The following ERICH3 variants were observed in gnomAD, a reference collection of about 807,000 sequenced individuals.
ERICH3 encodes the protein glutamate-rich protein 3.
Under a neutral mutation model 131.1 loss-of-function variants are expected in ERICH3, and 126 were observed. The observed-to-expected ratio is 0.96, with a 90% CI of 0.83 to 1.11. The LOEUF is 1.11. Among genes scored for constraint, ERICH3 ranks in the 50% most tolerant of loss-of-function variants. The pLI, the probability that ERICH3 is intolerant of heterozygous loss-of-function variation, is 0.00. For missense variants in ERICH3, 2,050 were observed against 1,810.7 expected (o/e 1.13, Z -2.40); for synonymous variants, 695 against 644.6 (o/e 1.08, Z -1.18).
chr1:74,673,680 CG>C lies in ERICH3; in HGVS notation c.-162del. 1 of 575,268 alleles carries C rather than the reference CG, an allele frequency of 1.7e-6. No individual in the cohort carries two copies. The allele number at this position is 575,268 out of a possible 1,614,324, so 35.6% of individuals were successfully genotyped here. ...TGGGCCGCCGCCGCCCCTGGGCGCC[CG>C]GGCTACCCGCAGCCTCCCGGGCTCC... On this transcript the variant is annotated 5_prime_UTR_variant, in exon 1 of 15. Coordinates refer to ENST00000326665, the MANE Select transcript of ERICH3 (RefSeq NM_001002912.5).
At chr1:74,607,023 T>G in intron 9 of ERICH3, 121 bp from the exon 10 acceptor site, 1 of 828,284 alleles carries the variant, frequency 1.2e-6, no homozygotes, top group Non-Finnish European at 1.9e-6. Flanking sequence ...ATGTTTTGAT[T>G]ACAGTACACA....
At chr1:74,596,904 G>T (rs139297428) in intron 11 of ERICH3, among the ~76,000 whole-genome samples, 6 of 151,970 alleles carry the variant, frequency 3.9e-5, no homozygotes, top group Non-Finnish European at 2.9e-5. Context: ...AAGGCAGGCC[G>T]ACACAATTGT....
intron 6 of ERICH3, chr1:74,634,793 A>G (rs997107616): frequency 9.5e-6 from 6 of 631,334 alleles, no homozygotes; most frequent in Non-Finnish European, 1.7e-5. Context: ...TTTTAGCCAA[A>G]GACCTTTGAG....
chr1:74,576,737 A>G (rs1433187605), intron 13 of ERICH3, among the ~76,000 whole-genome samples, 158 bp downstream of exon 13: 1 of 152,178 alleles, frequency 6.6e-6, no homozygotes, highest in Admixed American at 6.5e-5. Context: ...TCCTGCCACC[A>G]TACACATAAA....
chr1:74,665,597 G>T (rs762824184), intron 1 of ERICH3, among the ~76,000 whole-genome samples: 4 of 152,144 alleles, frequency 2.6e-5, no homozygotes, highest in Non-Finnish European at 4.4e-5. Context: ...TGACATCAAG[G>T]TGTCAGCAGG....
In ERICH3 at chr1:74,573,466, A is replaced by G; in HGVS notation, c.2244T>C (p.Asp748=). 1 of 1,526,280 alleles carries G rather than the reference A, an allele frequency of 6.6e-7. No individual in the cohort carries two copies. The highest frequency in any genetic ancestry group is 2.3e-5 in the East Asian group (1 of 43,190). 94.5% of individuals were successfully genotyped at this position (1,526,280 alleles called of 1,614,324 possible). A position where few individuals can be genotyped will look rare whatever the true frequency, so the allele number is the denominator to read the frequency against. ...TGTTTGAGTTGATTGCTGCTGTTTC[A>G]TCCACCATGAAATTCATTGTTGGTG... is the stretch of plus-strand genomic sequence containing the variant. ...LGAPTMNFMV[D]ETAAINSNKE... Residue 748 remains aspartate (D), a synonymous_variant, in exon 14 of 15, where the codon GAT becomes GAC. Transcript: ENST00000326665.
Position 74,670,276 on chromosome 1 carries a change from A to AG in ERICH3, c.23+3220_23+3221insC, listed in dbSNP as rs112749947. ...CCTCTATCAGATGTTGGTCTGATCC[A>AG]ACACAAATTTTTATATATTTAGGCT... On this transcript the variant is annotated intron_variant, in intron 1 of 14. Transcript: ENST00000326665. 1.5e-3 allele frequency among the ~76,000 whole-genome samples: 229 copies of AG among 152,248 alleles called. 1 individual carries two copies. The highest frequency in any genetic ancestry group is 5.3e-3 in the African/African-American group (222 of 41,550).
intron 13 of ERICH3, among the ~76,000 whole-genome samples, chr1:74,573,846 C>T (rs557699884): frequency 6.6e-6 from 1 of 152,314 alleles, no homozygotes; most frequent in South Asian, 2.1e-4. Flanking sequence ...CACTCTTTCT[C>T]TTGGCTTCCT....
At position 74,570,375 on chromosome 1, in the gene ERICH3, T is replaced by C. The variant is rs1646922332; in HGVS notation, c.*83A>G. ...AGGAGAGAGAGAAAATCAAGAATCC[T>C]GGTGAGATGCTTGCGTGAATCTTTC... On this transcript the variant is annotated 3_prime_UTR_variant, in exon 15 of 15. Coordinates refer to ENST00000326665, the MANE Select transcript of ERICH3 (RefSeq NM_001002912.5). The C allele has an allele frequency of 6.6e-6, 1 of 152,298 alleles. No homozygotes were observed. Among genetic ancestry groups the C allele is most frequent in the Non-Finnish European group, 1.5e-5 (1 of 68,024 alleles). 9.4% of individuals were successfully genotyped at this position (152,298 alleles called of 1,614,324 possible). A position where few individuals can be genotyped will look rare whatever the true frequency, so the allele number is the denominator to read the frequency against.
intron 1 of ERICH3, among the ~76,000 whole-genome samples, chr1:74,653,341 A>C (rs1329507431): frequency 6.6e-6 from 1 of 151,852 alleles, no homozygotes; most frequent in Non-Finnish European, 1.5e-5. Flanking sequence ...TAGTGGGGAG[A>C]TGCACACACT....
intron 1 of ERICH3, among the ~76,000 whole-genome samples, chr1:74,667,687 A>G (rs918829322): frequency 2.5e-4 from 38 of 152,194 alleles, no homozygotes; most frequent in Non-Finnish European, 1.0e-4. Flanking sequence ...GGATTTATTA[A>G]TAATCAAAAT....
At chr1:74,671,182 A>G (rs1646739549) in intron 1 of ERICH3, among the ~76,000 whole-genome samples, 1 of 146,468 alleles carries the variant, frequency 6.8e-6, no homozygotes, top group South Asian at 2.3e-4. Flanking sequence ...TCTTTGTTGG[A>G]CCCTTATCAT....
At position 74,572,500 on chromosome 1, in the gene ERICH3, C is replaced by G. The variant is rs2100507710; in HGVS notation, c.3210G>C (p.Leu1070=). Residue 1070 remains leucine (L), a synonymous_variant, in exon 14 of 15, where the codon CTG becomes CTC. Coordinates refer to ENST00000326665, the MANE Select transcript of ERICH3 (RefSeq NM_001002912.5). The stretch of plus-strand genomic sequence containing the variant: ...CTTCTCTCTCAGAGTCAGTTTTCCT[C>G]AGAGATGTTTTTGGCCTCTCAGCTT... ...RRKAERPKTS[L]RKTDSEREEV... is the part of the protein sequence containing the mutation. The G allele has an allele frequency of 1.2e-6, 2 of 1,614,154 alleles. No homozygotes were observed. The highest frequency in any genetic ancestry group is 4.5e-5 in the East Asian group (2 of 44,874).
At chr1:74,654,482 A>G (rs938811974) in intron 1 of ERICH3, among the ~76,000 whole-genome samples, 9 of 151,938 alleles carry the variant, frequency 5.9e-5, no homozygotes, top group African/African-American at 1.7e-4. Context: ...AACAAACACT[A>G]TTTTTGGAGG....
At chr1:74,602,335 C>T (rs1476627889) in intron 10 of ERICH3, among the ~76,000 whole-genome samples, 1 of 151,976 alleles carries the variant, frequency 6.6e-6, no homozygotes, top group African/African-American at 2.4e-5. Flanking sequence ...GCTCAAAGCA[C>T]ACCACCTTTG....
At chr1:74,651,073 G>A (rs776571945) in intron 1 of ERICH3, among the ~76,000 whole-genome samples, 1 of 152,032 alleles carries the variant, frequency 6.6e-6, no homozygotes, top group Admixed American at 6.6e-5. Flanking sequence ...TACATTTTAT[G>A]AACCACTAAT....
At chr1:74,606,980 T>C in intron 9 of ERICH3, 78 bp from the exon 10 acceptor site, 2 of 1,296,744 alleles carry the variant, frequency 1.5e-6, no homozygotes, top group Middle Eastern at 1.9e-4. Context: ...TTGAAAGCAC[T>C]TATCTCTTAT....
intron 1 of ERICH3, among the ~76,000 whole-genome samples, chr1:74,651,926 T>G (rs1244696199): frequency 6.6e-6 from 1 of 152,156 alleles, no homozygotes; most frequent in African/African-American, 2.4e-5. Flanking sequence ...TCTCTCGGGC[T>G]TCTACTAACA....
rs78693116 is a variant in ERICH3, at chr1:74,611,574, G to A, written c.1187+1049C>T. Among the ~76,000 whole-genome samples the A allele has an allele frequency of 7.9e-5, 12 of 152,200 alleles. No homozygotes were observed. The East Asian group carries it at 2.3e-3, about 29-fold the overall frequency. On this transcript the variant is annotated intron_variant, in intron 9 of 14. Coordinates refer to ENST00000326665, the MANE Select transcript of ERICH3 (RefSeq NM_001002912.5). ...AGTTAAAGTCCTTGCAATGACCATA[G>A]GACTCTACATGGCTTAGCCTCATGG... is the stretch of plus-strand genomic sequence containing the variant.
Sources: gnomAD v4.1 joint callset for allele counts (sites outside exome capture counted in the v4.1 genomes callset) on GRCh38, gnomAD v4.1.1 for gene constraint, MANE v1.5 for transcripts, NCBI Gene and HGNC (gene_info 2026-07-23, HGNC 2026-07-21) for gene names.